BEND7: variants seen among roughly 807,000 people sequenced by gnomAD.
BEND7 encodes BEN domain-containing protein 7.
BEND7 carries 28 observed loss-of-function variants against 50.9 expected under a neutral mutation model. The observed-to-expected ratio is 0.55, with a 90% confidence interval of 0.41 to 0.75. BEND7 has a LOEUF of 0.75. Among genes scored for constraint, BEND7 ranks in the 30% least tolerant of loss-of-function variants. BEND7 has a pLI of 0.00. For missense variants in BEND7, 477 were observed against 491.3 expected, an observed-to-expected ratio of 0.97 and a Z score of 0.28; for synonymous variants, 170 against 183.9, an observed-to-expected ratio of 0.92 and a Z score of 0.61.
chr10:13,471,377 T>C (rs1469202705), intron 6 of BEND7, among the ~76,000 whole-genome samples: 1 of 152,246 alleles, frequency 6.6e-6, no homozygotes, highest in Non-Finnish European at 1.5e-5. Context: ...GCAAAGATCA[T>C]GTCTTCTGTT....
Position 13,526,331 on chromosome 10 carries a change from A to C in BEND7, c.62-110T>G. On this transcript the variant is annotated intron_variant, in intron 1 of 8. Coordinates refer to ENST00000466271, the MANE Select transcript of BEND7 (RefSeq NM_001369863.1). ...TAGTTTGTATACTCTATAATTTATA[A>C]ATAAACTTTTTGAGAACTGAAATAA... 8 of 309,972 alleles carry C rather than the reference A, an allele frequency of 2.6e-5. No homozygotes were observed. The South Asian group carries it at 3.6e-4, about 14-fold the overall frequency. 19.2% of individuals were successfully genotyped at this position (309,972 alleles called of 1,614,324 possible).
intron 7 of BEND7, among the ~76,000 whole-genome samples, chr10:13,448,081 G>A (rs927125736): frequency 5.9e-5 from 9 of 152,146 alleles, no homozygotes; most frequent in Non-Finnish European, 8.8e-5. Flanking sequence ...TCATGAAGAA[G>A]GAATAGGCGT....
At chr10:13,504,696 C>T (rs1423549479) in intron 2 of BEND7, among the ~76,000 whole-genome samples, 1 of 152,198 alleles carries the variant, frequency 6.6e-6, no homozygotes, top group Non-Finnish European at 1.5e-5. Flanking sequence ...TTCCTGATCT[C>T]TTTCCAAGAC....
chr10:13,458,468 G>C (rs887673870), intron 6 of BEND7, among the ~76,000 whole-genome samples: 3 of 152,240 alleles, frequency 2.0e-5, no homozygotes, highest in Non-Finnish European at 4.4e-5. Flanking sequence ...AAGTCACTGT[G>C]TCTAGCAGAC....
At chr10:13,490,989 A>T (rs553421476) in intron 5 of BEND7, among the ~76,000 whole-genome samples, 3 of 152,238 alleles carry the variant, frequency 2.0e-5, no homozygotes, top group Admixed American at 2.0e-4. Context: ...TTTTTAGTAG[A>T]GAACGGGTTT....
chr10:13,508,625 G>C (rs896105332), intron 2 of BEND7, among the ~76,000 whole-genome samples: 21 of 152,164 alleles, frequency 1.4e-4, no homozygotes, highest in Admixed American at 6.5e-5. Context: ...AAATAATTAA[G>C]CAGCCCAATG....
intron 2 of BEND7, among the ~76,000 whole-genome samples, chr10:13,522,661 C>T (rs1253933883): frequency 6.6e-6 from 1 of 152,208 alleles, no homozygotes; most frequent in Non-Finnish European, 1.5e-5. Flanking sequence ...TGTAGTTCAA[C>T]ATCTCTGCTT....
intron 6 of BEND7, chr10:13,459,603 G>C (rs1252735903): frequency 6.6e-6 from 1 of 152,202 alleles, no homozygotes; most frequent in East Asian, 1.9e-4. Context: ...TGGTGCAATT[G>C]TTCTAGTCTT....
intron 3 of BEND7, among the ~76,000 whole-genome samples, chr10:13,498,912 T>C (rs967713921): frequency 3.9e-5 from 6 of 152,146 alleles, no homozygotes; most frequent in African/African-American, 1.4e-4. Flanking sequence ...AACCACAAAT[T>C]GTGTTTTTAA....
chr10:13,511,477 G>A (rs2078270750), intron 2 of BEND7, among the ~76,000 whole-genome samples: 1 of 152,170 alleles, frequency 6.6e-6, no homozygotes, highest in Non-Finnish European at 1.5e-5. Context: ...ACTGGTAGAT[G>A]TAGCTGTGGA....
At chr10:13,447,016 T>A (rs1836483971) in intron 8 of BEND7, 1 of 526,040 alleles carries the variant, frequency 1.9e-6, no homozygotes, top group Non-Finnish European at 3.3e-6. Flanking sequence ...GTTATGATAC[T>A]TAGTTCTTAG....
At chr10:13,529,515 A>G (rs562269797), upstream of BEND7, among the ~76,000 whole-genome samples, 8 of 152,144 alleles carry the variant, frequency 5.3e-5, 1 homozygote, top group African/African-American at 1.9e-4. Flanking sequence ...CCATTCCCTA[A>G]CCCAGGCTGG....
chr10:13,526,869 A>G (rs987547038), intron 1 of BEND7, among the ~76,000 whole-genome samples: 3 of 151,306 alleles, frequency 2.0e-5, no homozygotes, highest in East Asian at 1.9e-4. Flanking sequence ...ATTAAAAGAA[A>G]AAGAAAAAAG....
intron 1 of BEND7, 119 bp from the exon 2 acceptor site, chr10:13,526,340 T>C (rs1028245883): frequency 6.9e-6 from 2 of 288,076 alleles, no homozygotes; most frequent in African/African-American, 4.5e-5. Context: ...AAATAAACTT[T>C]TTGAGAACTG....
In BEND7 at chr10:13,449,092, C is replaced by T. The variant is rs77687675; in HGVS notation, c.1184-1776G>A. On this transcript the variant is annotated intron_variant, in intron 7 of 8. Coordinates refer to ENST00000466271, the MANE Select transcript of BEND7 (RefSeq NM_001369863.1). Reference sequence around the variant, plus strand: ...ACAGGTTTATAGAAAAAATATGGCACATACTGAAATGTTAACTGTGTTTCC... The same window carrying T: ...ACAGGTTTATAGAAAAAATATGGCATATACTGAAATGTTAACTGTGTTTCC... 4.1e-3 allele frequency among the ~76,000 whole-genome samples: 620 copies of T among 151,930 alleles called. 1 individual carries two copies. The highest frequency in any genetic ancestry group is 6.3e-3 in the Non-Finnish European group (425 of 67,966).
In BEND7 at chr10:13,477,438, C is replaced by T. The variant is rs199937530; in HGVS notation, c.1063+3461G>A. The stretch of plus-strand genomic sequence containing the variant: ...TAAAGAAACCATTTTATCACTTTCT[C>T]ATAGTACTCAGATTCAAAAGACTCA... On this transcript the variant is annotated intron_variant, in intron 6 of 8. Coordinates refer to ENST00000466271, the MANE Select transcript of BEND7 (RefSeq NM_001369863.1). Among the ~76,000 whole-genome samples, 5 of 152,270 alleles carry T rather than the reference C, an allele frequency of 3.3e-5. No individual in the cohort carries two copies. In the East Asian group the frequency reaches 5.8e-4, roughly 18 times the overall value.
At chr10:13,438,838 G>T (rs372278296), downstream of BEND7, 15 of 276,760 alleles carry the variant, frequency 5.4e-5, no homozygotes, top group South Asian at 5.8e-4. Flanking sequence ...TCCATCCCAT[G>T]ATAAGGCCAC....
chr10:13,450,158 A>G lies in BEND7; in HGVS notation c.1183+2381T>C, dbSNP rs527524699. Among the ~76,000 whole-genome samples, 3 of 152,378 alleles carry G rather than the reference A, an allele frequency of 2.0e-5. No homozygotes were observed. In the South Asian group the frequency reaches 6.2e-4, roughly 32 times the overall value. ...CAAATGAATTTCTATTTGGATTTGC[A>G]TAACGGCCTTTCAAATCTGTGTGGG... On this transcript the variant is annotated intron_variant, in intron 7 of 8. Transcript: ENST00000466271.
At chr10:13,519,496 A>AG (rs2078938499) in intron 2 of BEND7, among the ~76,000 whole-genome samples, 1 of 151,964 alleles carries the variant, frequency 6.6e-6, no homozygotes, top group African/African-American at 2.4e-5. Context: ...AAGAAAAAAA[A>AG]AAAGAAAAGA....
Sources: allele counts gnomAD v4.1 joint callset (sites outside exome capture counted in the v4.1 genomes callset), GRCh38; gene constraint gnomAD v4.1.1; transcripts MANE v1.5; gene names NCBI Gene and HGNC (gene_info 2026-07-23, HGNC 2026-07-21).